FILIP1L: variants seen among roughly 807,000 people sequenced by gnomAD.
The protein encoded by FILIP1L is filamin A interacting protein 1 like.
FILIP1L carries 55 observed loss-of-function variants against 96.6 expected under a neutral mutation model. The ratio of observed to expected loss-of-function variants is 0.57; its 90% CI spans 0.46 to 0.71. FILIP1L has a LOEUF of 0.71. Ranked by LOEUF, FILIP1L falls within the 30% of genes least tolerant of loss-of-function variation. The probability of loss-of-function intolerance (pLI) is 0.00; values close to 1 mark genes in which losing one functional copy is unlikely to be tolerated. For missense variants in FILIP1L, 1,304 were observed against 1,321.2 expected (o/e 0.99, Z 0.20); for synonymous variants, 467 against 473.9 (o/e 0.99, Z 0.19).
chr3:99,840,977 C>G (rs1249253533), intron 5 of FILIP1L, among the ~76,000 whole-genome samples: 1 of 152,186 alleles, frequency 6.6e-6, no homozygotes, highest in Admixed American at 6.5e-5. Context: ...GTCTGATACT[C>G]TTGTTTCATT....
At chr3:99,935,359 A>C (rs1488939639) in intron 1 of FILIP1L, among the ~76,000 whole-genome samples, 2 of 152,206 alleles carry the variant, frequency 1.3e-5, no homozygotes, top group Middle Eastern at 3.4e-3. Flanking sequence ...TGAGTTTACA[A>C]GGGAAAAAAA....
intron 4 of FILIP1L, among the ~76,000 whole-genome samples, chr3:99,907,731 G>C (rs1477289222): frequency 6.6e-6 from 1 of 151,822 alleles, no homozygotes; most frequent in Non-Finnish European, 1.5e-5. Flanking sequence ...AATGATTTTT[G>C]TGTTCCCTTC....
intron 1 of FILIP1L, among the ~76,000 whole-genome samples, chr3:99,961,637 T>C (rs1708494269): frequency 6.6e-6 from 1 of 152,182 alleles, no homozygotes; most frequent in African/African-American, 2.4e-5. Context: ...TGGGAACCGA[T>C]ACCTTTGGCC....
At chr3:100,064,193 C>A (rs908866013) in intron 1 of FILIP1L, among the ~76,000 whole-genome samples, 1 of 152,080 alleles carries the variant, frequency 6.6e-6, no homozygotes, top group African/African-American at 2.4e-5. Context: ...GGTTGTCTTC[C>A]GGGAATGTAT....
At chr3:100,095,497 T>A (rs2066189386) in intron 1 of FILIP1L, among the ~76,000 whole-genome samples, 1 of 152,138 alleles carries the variant, frequency 6.6e-6, no homozygotes, top group African/African-American at 2.4e-5. Context: ...TTGACAGTCA[T>A]ACCGAGAACA....
chr3:100,034,639 G>A (rs1223530948), intron 1 of FILIP1L, among the ~76,000 whole-genome samples: 1 of 152,168 alleles, frequency 6.6e-6, no homozygotes, highest in Admixed American at 6.5e-5. Flanking sequence ...TAATCTGATA[G>A]CAAATGTCTA....
At chr3:100,073,621 A>T (rs530043520) in intron 1 of FILIP1L, among the ~76,000 whole-genome samples, 1 of 152,148 alleles carries the variant, frequency 6.6e-6, no homozygotes, top group Non-Finnish European at 1.5e-5. Context: ...ATTTTGTTAG[A>T]GCTCCTCAAA....
At chr3:99,831,255 T>C (rs1293194715) in intron 5 of FILIP1L, among the ~76,000 whole-genome samples, 1 of 152,248 alleles carries the variant, frequency 6.6e-6, no homozygotes, top group Non-Finnish European at 1.5e-5. Flanking sequence ...GGAAAACGTT[T>C]ACTTAGATAT....
intron 1 of FILIP1L, among the ~76,000 whole-genome samples, chr3:99,948,335 T>A: frequency 6.6e-6 from 1 of 151,260 alleles, no homozygotes; most frequent in African/African-American, 2.4e-5. Flanking sequence ...TCCAAAAAAA[T>A]AAAAAAATTA....
At chr3:100,047,534 C>T (rs572777753) in intron 1 of FILIP1L, among the ~76,000 whole-genome samples, 1 of 152,290 alleles carries the variant, frequency 6.6e-6, no homozygotes, top group South Asian at 2.1e-4. Context: ...CTACTGACTG[C>T]GAATGATTAA....
In FILIP1L at chr3:99,849,701, G is replaced by C. The variant is rs1280655624; in HGVS notation, c.1975C>G (p.Leu659Val). 5 of 1,613,486 alleles carry C rather than the reference G, an allele frequency of 3.1e-6. No homozygotes were observed. The highest frequency in any genetic ancestry group is 1.3e-5 in the African/African-American group (1 of 74,900). Residue 659 changes from leucine (L) to valine (V), a missense_variant, in exon 5 of 6, where the codon CTA becomes GTA. Coordinates refer to ENST00000477258, the MANE Select transcript of FILIP1L (RefSeq NM_001387850.1). ...CGTTCATTAGCATACCTTCGTTCTAGAGTCTCATATTCATCTTCTGTTTTC... is the reference window on the plus strand; with the variant it reads ...CGTTCATTAGCATACCTTCGTTCTACAGTCTCATATTCATCTTCTGTTTTC... ...LMKTEDEYET[L>V]ERRYANERDK...
chr3:100,114,246 G>A lies in FILIP1L; in HGVS notation c.-204C>T, dbSNP rs990178598. The A allele has an allele frequency of 3.3e-5, 5 of 151,142 alleles. 1 individual carries two copies. The South Asian group carries it at 8.4e-4, about 25-fold the overall frequency. 9.4% of individuals were successfully genotyped at this position (151,142 alleles called of 1,614,324 possible). ...CAGGGGCCAGTGATAGCTCTGCAAA[G>A]GAGAGGCAGTGGGGAGCCCAACAAC... On this transcript the variant is annotated 5_prime_UTR_variant, in exon 1 of 6. Transcript: ENST00000477258.
At chr3:100,022,791 A>G (rs1482701530) in intron 1 of FILIP1L, among the ~76,000 whole-genome samples, 1 of 152,182 alleles carries the variant, frequency 6.6e-6, no homozygotes, top group Admixed American at 6.5e-5. Flanking sequence ...GTACTTATTT[A>G]AAAACATCAG....
chr3:99,861,411 G>A (rs1190645442), intron 4 of FILIP1L, among the ~76,000 whole-genome samples: 1 of 152,184 alleles, frequency 6.6e-6, no homozygotes, highest in African/African-American at 2.4e-5. Context: ...GTGTATTCCT[G>A]AAAGTGCCTC....
At chr3:100,012,870 C>T (rs778221435) in intron 1 of FILIP1L, among the ~76,000 whole-genome samples, 2 of 151,036 alleles carry the variant, frequency 1.3e-5, no homozygotes, top group Non-Finnish European at 2.9e-5. Context: ...ACCTCCCAGG[C>T]TCAAGCAGTC....
chr3:100,008,599 G>A (rs1007149057), intron 1 of FILIP1L, among the ~76,000 whole-genome samples: 2 of 152,170 alleles, frequency 1.3e-5, no homozygotes, highest in African/African-American at 4.8e-5. Flanking sequence ...CAAAGACAGG[G>A]AACAATGGTG....
At chr3:99,958,382 G>A (rs1559703565) in intron 1 of FILIP1L, among the ~76,000 whole-genome samples, 1 of 152,034 alleles carries the variant, frequency 6.6e-6, no homozygotes, top group Non-Finnish European at 1.5e-5. Flanking sequence ...ACTAGGGCCT[G>A]TTAATGCCAG....
At position 99,850,908 on chromosome 3, in the gene FILIP1L, T is replaced by G. The variant is rs1353314619; in HGVS notation, c.768A>C (p.Gln256His). ...QQRLTAQLTL[Q>H]RQKIQELTTN... The stretch of plus-strand genomic sequence containing the variant: ...TGGTCAGCTCTTGGATTTTCTGTCT[T>G]TGAAGGGTGAGCTGTGCCGTCAGCC... Residue 256 changes from glutamine to histidine, a missense_variant, in exon 5 of 6, where the codon CAA (glutamine) becomes CAC (histidine). By Grantham distance (24) the Gln-to-His change is conservative. Transcript: ENST00000477258. 1.9e-6 allele frequency: 3 copies of G among 1,614,194 alleles called. No individual in the cohort carries two copies. Among genetic ancestry groups the G allele is most frequent in the Non-Finnish European group, 2.5e-6 (3 of 1,180,018 alleles).
In FILIP1L at chr3:99,977,452, G is replaced by A. The variant is rs888096146; in HGVS notation, c.-10-46422C>T. On this transcript the variant is annotated intron_variant, in intron 1 of 5. Coordinates refer to ENST00000477258, the MANE Select transcript of FILIP1L (RefSeq NM_001387850.1). The stretch of plus-strand genomic sequence containing the variant: ...CTGGGGGCCTATGGGCAATAGAAGT[G>A]GAGTCAGAGTTGGATAGAGTAGCTA... Among the ~76,000 whole-genome samples, 3 of 152,222 alleles carry A rather than the reference G, an allele frequency of 2.0e-5. No homozygotes were observed. In the East Asian group the frequency reaches 5.8e-4, roughly 29 times the overall value.
Sources: gnomAD v4.1 joint callset for allele counts (sites outside exome capture counted in the v4.1 genomes callset) on GRCh38, gnomAD v4.1.1 for gene constraint, MANE v1.5 for transcripts, NCBI Gene and HGNC (gene_info 2026-07-23, HGNC 2026-07-21) for gene names.